WDR62: variants seen among roughly 807,000 people sequenced by gnomAD.
WDR62 encodes the protein WD repeat-containing protein 62.
WDR62 carries 112 observed loss-of-function variants against 160.6 expected under a neutral mutation model. The observed-to-expected ratio is 0.70, with a 90% CI of 0.60 to 0.82. The LOEUF (loss-of-function observed/expected upper bound fraction) is 0.82, where lower values mean the gene tolerates loss of function less well. Ranked by LOEUF, WDR62 falls within the 40% of genes least tolerant of loss-of-function variation. WDR62 has a pLI of 0.00. For missense variants in WDR62, 1,819 were observed against 1,983.8 expected (o/e 0.92, Z 1.58); for synonymous variants, 792 against 815.1 (o/e 0.97, Z 0.48).
At chr19:36,082,504 T>TG (rs1971957718) in intron 10 of WDR62, among the ~76,000 whole-genome samples, 1 of 152,194 alleles carries the variant, frequency 6.6e-6, no homozygotes, top group African/African-American at 2.4e-5. Flanking sequence ...TGCAGGAGGC[T>TG]GTAGCAGGTG....
At position 36,103,803 on chromosome 19, in the gene WDR62, C is replaced by T. The variant is rs775184308; in HGVS notation, c.3975C>T (p.Ser1325=). The T allele has an allele frequency of 1.9e-6, 3 of 1,608,504 alleles. No homozygotes were observed. The highest frequency in any genetic ancestry group is 2.5e-6 in the Non-Finnish European group (3 of 1,179,270). ...TQPGVTVPAV[S]FPAPSPVEES... ...CTGGCGTCACCGTCCCTGCAGTGAGCTTCCCAGCCCCTAGCCCTGTGGAAG... is the reference window on the plus strand; with the variant it reads ...CTGGCGTCACCGTCCCTGCAGTGAGTTTCCCAGCCCCTAGCCCTGTGGAAG... The change falls in exon 30 of 32, where the codon AGC becomes AGT. Residue 1325 remains serine (S), a synonymous_variant. Coordinates refer to ENST00000401500, the MANE Select transcript of WDR62 (RefSeq NM_001083961.2).
Position 36,103,693 on chromosome 19 carries a change from G to A in WDR62, c.3865G>A (p.Gly1289Ser), listed in dbSNP as rs1164839710. 1 of 1,610,392 alleles carries A rather than the reference G, an allele frequency of 6.2e-7. No individual in the cohort carries two copies. The highest frequency in any genetic ancestry group is 8.5e-7 in the Non-Finnish European group (1 of 1,179,998). ...EGQEPALRSW[G>S]NHEARANLRL... ...CCAAGAGCCTGCCCTGCGTTCCTGGGGCAACCACGAGGCCCGGGCCAACCT... is the reference window on the plus strand; with the variant it reads ...CCAAGAGCCTGCCCTGCGTTCCTGGAGCAACCACGAGGCCCGGGCCAACCT... Residue 1289 changes from glycine (G) to serine (S), a missense_variant, in exon 30 of 32, where the codon GGC (glycine) becomes AGC (serine). Physicochemically the swap from Gly to Ser is moderately conservative, Grantham distance 56. Around this residue, in one of 3 missense-constraint regions of WDR62, gnomAD observed 770 missense variants for 734.2 expected, o/e 1.05. Coordinates refer to ENST00000401500, the MANE Select transcript of WDR62 (RefSeq NM_001083961.2).
rs267607177 is a variant in WDR62 at position 36,083,099 on chromosome 19, C to T, written c.1408C>T (p.Gln470Ter). ...LKVVYVENDI[Q>*]HLQDMSHFPD... ...GGTCGTGTACGTGGAGAATGACATCCAGCACCTGCAGGACATGTCACACTT... is the reference window on the plus strand; with the variant it reads ...GGTCGTGTACGTGGAGAATGACATCTAGCACCTGCAGGACATGTCACACTT... Residue 470 changes from glutamine to a stop codon, truncating the protein, a stop_gained, in exon 11 of 32, where the codon CAG becomes TAG. Coordinates refer to ENST00000401500, the MANE Select transcript of WDR62 (RefSeq NM_001083961.2). LOFTEE classifies it high-confidence loss of function. 4.3e-6 allele frequency: 7 copies of T among 1,613,578 alleles called. No homozygotes were observed. Among genetic ancestry groups the T allele is most frequent in the Non-Finnish European group, 5.1e-6 (6 of 1,179,754 alleles).
chr19:36,078,752 C>T (rs1341381849), intron 9 of WDR62, among the ~76,000 whole-genome samples: 6 of 149,500 alleles, frequency 4.0e-5, no homozygotes, highest in Non-Finnish European at 7.4e-5. Context: ...AGGAGAATTG[C>T]TTGAACCCGG....
chr19:36,087,716 G>A (rs1972334344), intron 13 of WDR62, among the ~76,000 whole-genome samples: 3 of 152,168 alleles, frequency 2.0e-5, no homozygotes, highest in Admixed American at 6.5e-5. Context: ...CTACTTGGGA[G>A]GCTGAGGCAG....
rs1960752019 is a variant in WDR62 at position 36,100,759 on chromosome 19, C to T, written c.2751C>T (p.Pro917=). The change falls in exon 23 of 32, where the codon CCC becomes CCT. Residue 917 remains proline (P), a synonymous_variant. Coordinates refer to ENST00000401500, the MANE Select transcript of WDR62 (RefSeq NM_001083961.2). The part of the protein sequence containing the change: ...LASLLSESES[P]QEAGRGHPSF... ...TGTCTTCCCCATAGTCAGAGAGTCC[C>T]CAGGAAGCTGGCCGCGGGCACCCCT... 1.2e-6 allele frequency: 2 copies of T among 1,614,132 alleles called. No individual in the cohort carries two copies. Among genetic ancestry groups the T allele is most frequent in the Non-Finnish European group, 8.5e-7 (1 of 1,180,010 alleles).
chr19:36,070,842 A>C (rs1971256248), intron 7 of WDR62: 1 of 152,678 alleles, frequency 6.5e-6, no homozygotes, highest in Non-Finnish European at 1.5e-5. Context: ...CTTTCTAGAT[A>C]CTGTAACTTT....
chr19:36,083,364 T>C (rs1972016716), intron 11 of WDR62, 123 bp downstream of exon 11: 3 of 1,016,282 alleles, frequency 3.0e-6, no homozygotes, highest in Admixed American at 4.0e-5. Context: ...GGGCTGTGAA[T>C]AGTAATCCCA....
rs780194352 is a variant in WDR62 at position 36,101,764 on chromosome 19, C to T, written c.3072C>T (p.Pro1024=). The change falls in exon 25 of 32, where the codon CCC becomes CCT. Residue 1024 remains proline (P), a synonymous_variant. Transcript: ENST00000401500. The part of the protein sequence containing the change: ...DPAPRFATSL[P]HFPGCAGPTE... ...CCCCTCGGTTTGCCACGTCGCTGCC[C>T]CATTTCCCAGGTAAGCAGGGGCCAG... 5.2e-6 allele frequency: 8 copies of T among 1,552,008 alleles called. No individual in the cohort carries two copies. The highest frequency in any genetic ancestry group is 2.0e-5 in the Admixed American group (1 of 51,126).
At position 36,102,022 on chromosome 19, in the gene WDR62, G is replaced by C; in HGVS notation, c.3091G>C (p.Gly1031Arg). ...CCCTCCTTCCCTGTCAGGATGCGCA[G>C]GTCCCACAGAAGATGAGCTGTCCCT... ...TSLPHFPGCA[G>R]PTEDELSLPE... Residue 1031 changes from glycine to arginine, a missense_variant, in exon 26 of 32, where the codon GGT (glycine) becomes CGT (arginine). This residue lies in a region of WDR62 where 770 missense variants were observed against 734.2 expected (regional missense o/e 1.05). Coordinates refer to ENST00000401500, the MANE Select transcript of WDR62 (RefSeq NM_001083961.2). 6.2e-7 allele frequency: 1 copy of C among 1,614,178 alleles called. No individual in the cohort carries two copies. The highest frequency in any genetic ancestry group is 8.5e-7 in the Non-Finnish European group (1 of 1,180,040).
rs1383140390 is a variant in WDR62, at chr19:36,086,674, T to C, written c.1643-13T>C. 6.3e-7 allele frequency: 1 copy of C among 1,594,470 alleles called. No individual in the cohort carries two copies. Among genetic ancestry groups the C allele is most frequent in the Non-Finnish European group, 8.5e-7 (1 of 1,169,622 alleles). The stretch of plus-strand genomic sequence containing the variant: ...CAGCCTTCAGGAACCAGTCTCATTC[T>C]CTCCTCTCACAGGGCTGACCTTGCT... On this transcript the variant is annotated splice_polypyrimidine_tract_variant and intron_variant, in intron 12 of 31. Transcript: ENST00000401500.
chr19:36,092,724 C>T lies in WDR62; in HGVS notation c.2246C>T (p.Thr749Ile), dbSNP rs1188936866. The T allele has an allele frequency of 1.2e-6, 2 of 1,614,204 alleles. No homozygotes were observed. The highest frequency in any genetic ancestry group is 2.7e-5 in the African/African-American group (2 of 75,054). Residue 749 changes from threonine to isoleucine, a missense_variant, in exon 19 of 32, where the codon ACC becomes ATC. Thr to Ile is a moderately conservative substitution (Grantham distance 89, BLOSUM62 -1). Coordinates refer to ENST00000401500, the MANE Select transcript of WDR62 (RefSeq NM_001083961.2). ...VFIWHLGPEI[T>I]NCMKQHLLEI... The stretch of plus-strand genomic sequence containing the variant: ...ATCTGGCACCTGGGCCCGGAGATCA[C>T]CAACTGCATGAAGCAGCACTTGCTG...
chr19:36,059,935 A>C (rs1205617860), intron 2 of WDR62, 33 bp from the exon 3 acceptor site: 2 of 1,613,182 alleles, frequency 1.2e-6, no homozygotes, highest in Non-Finnish European at 1.7e-6. Context: ...AACACTCCCC[A>C]CAGTTGAGGC....
At position 36,103,835 on chromosome 19, in the gene WDR62, C is replaced by T. The variant is rs1251903845; in HGVS notation, c.4007C>T (p.Ala1336Val). Reference protein sequence around the residue: ...FPAPSPVEESALRLHGSAFRP... With the variant: ...FPAPSPVEESVLRLHGSAFRP... ...GCCCCTAGCCCTGTGGAAGAGAGCGCCCTGAGGCTCCACGGCTCTGCCTTT... is the reference window on the plus strand; with the variant it reads ...GCCCCTAGCCCTGTGGAAGAGAGCGTCCTGAGGCTCCACGGCTCTGCCTTT... The change falls in exon 30 of 32, where the codon GCC becomes GTC. Residue 1336 changes from alanine to valine, a missense_variant. Physicochemically the swap from Ala to Val is moderately conservative, Grantham distance 64 (BLOSUM62 0). Around this residue, in one of 3 missense-constraint regions of WDR62, gnomAD observed 770 missense variants for 734.2 expected, o/e 1.05. Transcript: ENST00000401500. 1 of 1,605,754 alleles carries T rather than the reference C, an allele frequency of 6.2e-7. No individual in the cohort carries two copies. The highest frequency in any genetic ancestry group is 1.1e-5 in the South Asian group (1 of 91,050).
At chr19:36,080,772 C>G (rs1294586202) in intron 9 of WDR62, among the ~76,000 whole-genome samples, 2 of 152,110 alleles carry the variant, frequency 1.3e-5, no homozygotes, top group Non-Finnish European at 2.9e-5. Flanking sequence ...TTTTATTATT[C>G]ATTTCTAGAA....
At chr19:36,071,369 G>A (rs1177674047) in intron 7 of WDR62, among the ~76,000 whole-genome samples, 187 bp from the exon 8 acceptor site, 2 of 152,140 alleles carry the variant, frequency 1.3e-5, no homozygotes, top group Non-Finnish European at 2.9e-5. Context: ...GCTGGCACAT[G>A]TCTTTCAATA....
chr19:36,106,088 C>T (rs1322991412), downstream of WDR62, among the ~76,000 whole-genome samples: 1 of 152,204 alleles, frequency 6.6e-6, no homozygotes, highest in Non-Finnish European at 1.5e-5. Context: ...GCCCAGGCCA[C>T]GAGCAGCTGG....
At chr19:36,066,132 C>G in intron 4 of WDR62, 117 bp downstream of exon 4, 2 of 1,576,304 alleles carry the variant, frequency 1.3e-6, no homozygotes, top group African/African-American at 2.7e-5. Context: ...GCCAGAACAG[C>G]CCTGTAGCAG....
chr19:36,066,548 G>A (rs1353616831), intron 5 of WDR62, 121 bp downstream of exon 5: 4 of 1,097,296 alleles, frequency 3.6e-6, no homozygotes, highest in Non-Finnish European at 5.3e-6. Flanking sequence ...ACAGATAACA[G>A]CTATTGAGCA....
Sources: gnomAD v4.1 joint callset for allele counts (sites outside exome capture counted in the v4.1 genomes callset) on GRCh38, gnomAD v4.1.1 for gene constraint, gnomAD v4.1.1 regional missense constraint, MANE v1.5 for transcripts, NCBI Gene and HGNC (gene_info 2026-07-23, HGNC 2026-07-21) for gene names.